Variants in TAFA2 observed in about 807,000 individuals in gnomAD.
TAFA2 encodes the protein TAFA chemokine like family member 2, also known as chemokine-like protein TAFA-2.
Under a neutral mutation model 18.8 loss-of-function variants are expected in TAFA2, and 7 were observed. That is an observed-to-expected ratio of 0.37 (90% CI 0.21 to 0.70). The LOEUF is 0.70. Among genes scored for constraint, TAFA2 ranks in the 30% least tolerant of loss-of-function variants. The probability of loss-of-function intolerance (pLI) is 0.53; values close to 1 mark genes in which losing one functional copy is unlikely to be tolerated. For synonymous variants in TAFA2, 60 were observed against 54.2 expected (o/e 1.11, Z -0.47); for missense variants, 122 against 158.1 (o/e 0.77, Z 1.23).
chr12:61,928,122 C>A (rs1877386550), intron 1 of TAFA2, among the ~76,000 whole-genome samples: 1 of 152,182 alleles, frequency 6.6e-6, no homozygotes, highest in African/African-American at 2.4e-5. Flanking sequence ...ATGACTAAAA[C>A]ATCAAAATCA....
intron 1 of TAFA2, chr12:62,021,795 A>G (rs953980081): frequency 1.1e-6 from 1 of 925,690 alleles, no homozygotes; most frequent in African/African-American, 1.6e-5. Flanking sequence ...GGCAGTGACA[A>G]TGTAATAGTT....
At chr12:61,896,976 A>T (rs1875875003) in intron 1 of TAFA2, among the ~76,000 whole-genome samples, 1 of 152,162 alleles carries the variant, frequency 6.6e-6, no homozygotes, top group Admixed American at 6.5e-5. Context: ...GGTCCAGATG[A>T]TCTCAAAAAT....
chr12:62,218,162 A>G (rs574699622), intron 1 of TAFA2, among the ~76,000 whole-genome samples: 14 of 151,974 alleles, frequency 9.2e-5, no homozygotes, highest in Admixed American at 2.6e-4. Context: ...CACCGGGCTA[A>G]CTTTTTAAAT....
intron 1 of TAFA2, among the ~76,000 whole-genome samples, chr12:62,042,432 C>CGCGT (rs140595819): frequency 4.9e-5 from 7 of 143,500 alleles, no homozygotes; most frequent in Non-Finnish European, 6.0e-5. Flanking sequence ...TGTGTGTGCG[C>CGCGT]GTGTGTGTGT....
intron 1 of TAFA2, among the ~76,000 whole-genome samples, chr12:61,941,589 G>T (rs1245289989): frequency 6.6e-6 from 1 of 152,182 alleles, no homozygotes; most frequent in African/African-American, 2.4e-5. Flanking sequence ...CAGGCCAGTG[G>T]GTGCGTGCAC....
intron 1 of TAFA2, among the ~76,000 whole-genome samples, chr12:62,051,961 C>T (rs1882065707): frequency 6.6e-6 from 1 of 152,070 alleles, no homozygotes; most frequent in Admixed American, 6.5e-5. Context: ...AGTATGAAAG[C>T]ACTAATAGAC....
chr12:62,033,906 AC>A (rs1372704153), intron 1 of TAFA2, among the ~76,000 whole-genome samples: 1 of 152,208 alleles, frequency 6.6e-6, no homozygotes, highest in African/African-American at 2.4e-5. Context: ...AAAAATGAAT[AC>A]AAAGTTTGTA....
intron 1 of TAFA2, among the ~76,000 whole-genome samples, chr12:62,093,497 T>G (rs1868809168): frequency 6.6e-6 from 1 of 152,038 alleles, no homozygotes; most frequent in Admixed American, 6.6e-5. Context: ...AATTTTCATT[T>G]CAAACCGGTT....
chr12:62,151,787 A>G (rs1224948714), intron 1 of TAFA2, among the ~76,000 whole-genome samples: 2 of 152,242 alleles, frequency 1.3e-5, no homozygotes, highest in African/African-American at 4.8e-5. Context: ...TCTAAGCCAT[A>G]CATTAGAATA....
chr12:61,792,333 G>A (rs1320549573), intron 2 of TAFA2, among the ~76,000 whole-genome samples: 2 of 151,664 alleles, frequency 1.3e-5, no homozygotes, highest in South Asian at 2.1e-4. Context: ...TTATTGCACA[G>A]TAGATTGACT....
chr12:61,997,751 G>A (rs1880246945), intron 1 of TAFA2, among the ~76,000 whole-genome samples: 1 of 151,074 alleles, frequency 6.6e-6, no homozygotes, highest in Admixed American at 6.6e-5. Flanking sequence ...GACTTTACAT[G>A]TTTAAAAAAA....
At chr12:61,820,662 G>A (rs1418908959) in intron 2 of TAFA2, among the ~76,000 whole-genome samples, 2 of 151,954 alleles carry the variant, frequency 1.3e-5, no homozygotes, top group Admixed American at 6.6e-5. Flanking sequence ...GGCACTCATT[G>A]AGTATTTGAT....
intron 2 of TAFA2, among the ~76,000 whole-genome samples, chr12:61,848,720 A>C (rs1297010103): frequency 5.3e-5 from 3 of 56,192 alleles, no homozygotes; most frequent in Non-Finnish European, 1.5e-4. Context: ...CATGGCCAGC[A>C]AAAAAAAAAA....
chr12:62,194,604 T>C (rs1301927154), upstream of TAFA2, among the ~76,000 whole-genome samples: 1 of 152,220 alleles, frequency 6.6e-6, no homozygotes, highest in African/African-American at 2.4e-5. Context: ...TCTGTGCTTT[T>C]TGTAAATAAT....
intron 2 of TAFA2, among the ~76,000 whole-genome samples, chr12:61,784,377 G>T (rs1420098066): frequency 6.6e-6 from 1 of 151,464 alleles, no homozygotes; most frequent in Non-Finnish European, 1.5e-5. Flanking sequence ...TGTAAAAGAT[G>T]ACCCCTCAAG....
intron 1 of TAFA2, among the ~76,000 whole-genome samples, chr12:62,177,924 G>T (rs1472117814): frequency 6.6e-6 from 1 of 152,078 alleles, no homozygotes; most frequent in Non-Finnish European, 1.5e-5. Flanking sequence ...GGTGTCACTG[G>T]CTTCCTACTC....
At chr12:62,094,556 G>A (rs1245430118) in intron 1 of TAFA2, among the ~76,000 whole-genome samples, 1 of 151,762 alleles carries the variant, frequency 6.6e-6, no homozygotes, top group African/African-American at 2.4e-5. Flanking sequence ...ATTTTAAATG[G>A]ATAATAACAG....
chr12:62,230,473 A>T (rs1216702022), intron 1 of TAFA2, among the ~76,000 whole-genome samples: 4 of 151,926 alleles, frequency 2.6e-5, no homozygotes, highest in African/African-American at 9.7e-5. Flanking sequence ...CAGCCCCTTG[A>T]TCATTCAGGA....
At chr12:61,720,650 T>G (rs1264617423) in intron 4 of TAFA2, 1 of 258,112 alleles carries the variant, frequency 3.9e-6, no homozygotes, top group Non-Finnish European at 7.8e-6. Flanking sequence ...CAAGAAAGAA[T>G]AGGTCACAGT....
Sources: allele counts gnomAD v4.1 joint callset (sites outside exome capture counted in the v4.1 genomes callset), GRCh38; gene constraint gnomAD v4.1.1; transcripts MANE v1.5; gene names NCBI Gene and HGNC (gene_info 2026-07-23, HGNC 2026-07-21).